Variants in NPTX2 observed in about 807,000 individuals in gnomAD.
The protein encoded by NPTX2 is neuronal pentraxin 2.
A neutral mutation model predicts 38.1 loss-of-function variants in NPTX2; 23 were observed. That is an observed-to-expected ratio of 0.60 (90% CI 0.43 to 0.85). NPTX2 has a LOEUF of 0.85. Ranked by LOEUF, NPTX2 falls within the 40% of genes least tolerant of loss-of-function variation. NPTX2 has a pLI of 0.00. For synonymous variants in NPTX2, 291 were observed against 287.3 expected (o/e 1.01, Z -0.13); for missense variants, 553 against 615.3 (o/e 0.90, Z 1.07).
chr7:98,617,310 C>A lies in NPTX2; in HGVS notation c.-152C>A, dbSNP rs183638122. The A allele has an allele frequency of 0.01, 2,854 of 281,750 alleles. 81 individuals carry two copies. Among genetic ancestry groups the A allele is most frequent in the African/African-American group, 0.06 (2,668 of 44,828 alleles). The allele number at this position is 281,750 out of a possible 1,614,324, so 17.5% of individuals were successfully genotyped here. ...AGAGTGCCGAGCAGCGCGGTGGGTG[C>A]GGCTGTGAGACGGCAGGAGACTTCT... is the stretch of plus-strand genomic sequence containing the variant. On this transcript the variant is annotated 5_prime_UTR_variant, in exon 1 of 5. Transcript: ENST00000265634.
intron 4 of NPTX2, among the ~76,000 whole-genome samples, chr7:98,627,773 A>G (rs705316): frequency 0.5 from 75,927 of 151,992 alleles, 22,463 homozygotes; most frequent in African/African-American, 0.84. Context: ...TCATGGTACC[A>G]ACTCAGGATT....
chr7:98,617,787 G>T lies in NPTX2; in HGVS notation c.326G>T (p.Gly109Val), dbSNP rs1365642878. 2 of 1,505,928 alleles carry T rather than the reference G, an allele frequency of 1.3e-6. No individual in the cohort carries two copies. The highest frequency in any genetic ancestry group is 1.8e-6 in the Non-Finnish European group (2 of 1,135,908). The allele number at this position is 1,505,928 out of a possible 1,614,324, so 93.3% of individuals were successfully genotyped here. ...AAGGCGCGCGGCGCGGGGGCCACGG[G>T]CAAGGACACTATGGGCGACCTGCCG... ...GGKARGAGATGKDTMGDLPRD... is the reference protein window; with the variant it reads ...GGKARGAGATVKDTMGDLPRD... Residue 109 changes from glycine (G) to valine (V), a missense_variant, in exon 1 of 5, where the codon GGC becomes GTC. Transcript: ENST00000265634.
chr7:98,619,596 CTTTT>C (rs1280555787), intron 1 of NPTX2, 43 bp from the exon 2 acceptor site: 15 of 1,528,802 alleles, frequency 9.8e-6, no homozygotes, highest in Non-Finnish European at 1.4e-5. Context: ...TTCACAATTT[CTTTT>C]TAACTCTTTC....
chr7:98,624,894 C>T, intron 2 of NPTX2, 28 bp from the exon 3 acceptor site: 3 of 1,597,992 alleles, frequency 1.9e-6, no homozygotes, highest in Non-Finnish European at 2.6e-6. Flanking sequence ...CTAACGCACT[C>T]CTGGCCTCTC....
At chr7:98,618,602 C>CG (rs1791221541) in intron 1 of NPTX2, among the ~76,000 whole-genome samples, 1 of 120,068 alleles carries the variant, frequency 8.3e-6, no homozygotes, top group Non-Finnish European at 1.8e-5. Flanking sequence ...CCGTCCCCCC[C>CG]CCCCGCCCCC....
At chr7:98,620,662 A>G (rs1791256134) in intron 2 of NPTX2, among the ~76,000 whole-genome samples, 1 of 152,078 alleles carries the variant, frequency 6.6e-6, no homozygotes, top group Non-Finnish European at 1.5e-5. Context: ...GCCATCCCTG[A>G]AGGTAAAGCA....
intron 2 of NPTX2, among the ~76,000 whole-genome samples, chr7:98,624,610 G>A (rs978031426): frequency 1.8e-4 from 28 of 151,954 alleles, no homozygotes; most frequent in African/African-American, 6.3e-4. Context: ...TCCCTCCCCC[G>A]GCCACTCCCC....
At chr7:98,623,049 TTATC>T (rs1791294518) in intron 2 of NPTX2, among the ~76,000 whole-genome samples, 1 of 152,078 alleles carries the variant, frequency 6.6e-6, no homozygotes, top group South Asian at 2.1e-4. Context: ...GGAGAAAGGT[TTATC>T]TATTCTGGCT....
chr7:98,624,797 G>A (rs1791320034), intron 2 of NPTX2, 125 bp from the exon 3 acceptor site: 26 of 1,209,672 alleles, frequency 2.1e-5, no homozygotes, highest in Middle Eastern at 2.0e-4. Context: ...GTCGCTTGCT[G>A]GAGGGTCCAT....
chr7:98,620,128 T>A (rs1005899027), intron 2 of NPTX2: 1 of 502,418 alleles, frequency 2.0e-6, no homozygotes, highest in African/African-American at 1.9e-5. Flanking sequence ...TGTTAACTAG[T>A]CCTGGCAGCG....
chr7:98,626,668 C>T lies in NPTX2; in HGVS notation c.889-497C>T, dbSNP rs73396956. ...GGACCGCCAGGGACCCGGCCAGTGG[C>T]AGCGTCCTCCCCCCAGTTCCTCACG... On this transcript the variant is annotated intron_variant, in intron 3 of 4. Coordinates refer to ENST00000265634, the MANE Select transcript of NPTX2 (RefSeq NM_002523.3). Among the ~76,000 whole-genome samples the T allele has an allele frequency of 8.2e-3, 1,243 of 152,324 alleles. 16 individuals are homozygous for T. The highest frequency in any genetic ancestry group is 0.029 in the African/African-American group (1,198 of 41,564).
In NPTX2 at chr7:98,619,627, C is replaced by A. The variant is rs1275731938; in HGVS notation, c.427-16C>A. 1.2e-6 allele frequency: 2 copies of A among 1,600,938 alleles called. No individual in the cohort carries two copies. Among genetic ancestry groups the A allele is most frequent in the East Asian group, 2.2e-5 (1 of 44,542 alleles). On this transcript the variant is annotated splice_polypyrimidine_tract_variant and intron_variant, in intron 1 of 4. Coordinates refer to ENST00000265634, the MANE Select transcript of NPTX2 (RefSeq NM_002523.3). ...AACTCTTTCTGTGCCCCTCCCTCCT[C>A]CCCGGTGGCTGAAAGCACCAGCTCA...
chr7:98,619,606 C>A, intron 1 of NPTX2, 37 bp from the exon 2 acceptor site: 1 of 1,559,722 alleles, frequency 6.4e-7, no homozygotes, highest in Non-Finnish European at 8.8e-7. Context: ...CTTTTTAACT[C>A]TTTCTGTGCC....
At chr7:98,624,483 A>G (rs1791314526) in intron 2 of NPTX2, among the ~76,000 whole-genome samples, 1 of 152,118 alleles carries the variant, frequency 6.6e-6, no homozygotes. Flanking sequence ...TGCAGTGCCC[A>G]CAAAATCTTC....
chr7:98,626,864 C>T (rs959883582), intron 3 of NPTX2, among the ~76,000 whole-genome samples: 8 of 152,216 alleles, frequency 5.3e-5, no homozygotes, highest in African/African-American at 1.4e-4. Flanking sequence ...CCCCATGGAA[C>T]GCTGACTTCC....
chr7:98,626,831 C>T (rs1052393755), intron 3 of NPTX2, among the ~76,000 whole-genome samples: 22 of 152,296 alleles, frequency 1.4e-4, no homozygotes, highest in African/African-American at 4.3e-4. Context: ...GAGGATCTCT[C>T]GTCTGTTTTC....
Position 98,628,902 on chromosome 7 carries a change from T to C in NPTX2, c.*273T>C. 5.7e-6 allele frequency: 2 copies of C among 348,218 alleles called. No homozygotes were observed. Among genetic ancestry groups the C allele is most frequent in the Non-Finnish European group, 1.0e-5 (2 of 192,324 alleles). 21.6% of individuals were successfully genotyped at this position (348,218 alleles called of 1,614,324 possible). ...AGTGGGTGGATATCTGCCTTCCTGC[T>C]GCAAGTGGAGGCAGGTCCAGCAGCC... On this transcript the variant is annotated 3_prime_UTR_variant, in exon 5 of 5. Transcript: ENST00000265634.
chr7:98,620,540 T>A (rs1049135730), intron 2 of NPTX2, among the ~76,000 whole-genome samples: 2 of 152,212 alleles, frequency 1.3e-5, no homozygotes, highest in Non-Finnish European at 2.9e-5. Context: ...CCTTTCTTCC[T>A]GGCCCTTCTC....
At position 98,617,452 on chromosome 7, in the gene NPTX2, C is replaced by A; in HGVS notation, c.-10C>A. ...GCCCATGCCGAGCTGAGCGCGGCAG[C>A]GGCGGCGGGATGCTGGCGCTGCTGG... On this transcript the variant is annotated 5_prime_UTR_variant, in exon 1 of 5. Coordinates refer to ENST00000265634, the MANE Select transcript of NPTX2 (RefSeq NM_002523.3). 1.0e-6 allele frequency: 1 copy of A among 1,004,534 alleles called. No homozygotes were observed. The highest frequency in any genetic ancestry group is 1.3e-6 in the Non-Finnish European group (1 of 787,282). 62.2% of individuals were successfully genotyped at this position (1,004,534 alleles called of 1,614,324 possible).
Sources: gnomAD v4.1 joint callset for allele counts (sites outside exome capture counted in the v4.1 genomes callset) on GRCh38, gnomAD v4.1.1 for gene constraint, MANE v1.5 for transcripts, NCBI Gene and HGNC (gene_info 2026-07-23, HGNC 2026-07-21) for gene names.